The following EML4 variants were observed in gnomAD, a reference collection of about 807,000 sequenced individuals.
EML4 encodes EMAP like 4.
A neutral mutation model predicts 129.0 loss-of-function variants in EML4; 72 were observed. That is an observed-to-expected ratio of 0.56 (90% CI 0.46 to 0.68). EML4 has a LOEUF of 0.68. Ranked by LOEUF, EML4 falls within the 30% of genes least tolerant of loss-of-function variation. The pLI, the probability that EML4 is intolerant of heterozygous loss-of-function variation, is 0.00. For missense variants in EML4, 1,363 were observed against 1,190.6 expected, an observed-to-expected ratio of 1.14 and a Z score of -2.13; for synonymous variants, 532 against 405.0, an observed-to-expected ratio of 1.31 and a Z score of -3.77.
rs963303126 is a variant in EML4 at position 42,331,114 on chromosome 2, G to C, written c.*907G>C. 8.3e-5 allele frequency: 18 copies of C among 217,536 alleles called. No individual in the cohort carries two copies. The highest frequency in any genetic ancestry group is 8.1e-4 in the Admixed American group (14 of 17,214). The allele number at this position is 217,536 out of a possible 1,614,324, so 13.5% of individuals were successfully genotyped here. A position where few individuals can be genotyped will look rare whatever the true frequency, so the allele number is the denominator to read the frequency against. ...GCCTTCATCATAATTTGTTCCCTCA[G>C]TAATAGGAGAAATATAAATACAGTA... is the stretch of plus-strand genomic sequence containing the variant. On this transcript the variant is annotated 3_prime_UTR_variant, in exon 23 of 23. Coordinates refer to ENST00000318522, the MANE Select transcript of EML4 (RefSeq NM_019063.5).
At chr2:42,184,588 T>A (rs1027858120) in intron 1 of EML4, among the ~76,000 whole-genome samples, 3 of 152,164 alleles carry the variant, frequency 2.0e-5, no homozygotes, top group Non-Finnish European at 4.4e-5. Context: ...CTTTTCTTGC[T>A]TAGTTTTTTG....
intron 4 of EML4, among the ~76,000 whole-genome samples, chr2:42,262,451 G>T (rs17389310): frequency 6.6e-6 from 1 of 151,966 alleles, no homozygotes; most frequent in Non-Finnish European, 1.5e-5. Context: ...GATTTCACTT[G>T]ATATCTTCTT....
At chr2:42,309,082 G>T (rs4410332) in intron 17 of EML4, among the ~76,000 whole-genome samples, 1 of 152,036 alleles carries the variant, frequency 6.6e-6, no homozygotes, top group South Asian at 2.1e-4. Flanking sequence ...GGATATAAAA[G>T]AGTAGAATTG....
rs548014806 is a variant in EML4 at position 42,328,852 on chromosome 2, A to G, written c.2342-34A>G. The G allele has an allele frequency of 3.2e-6, 5 of 1,552,638 alleles. No homozygotes were observed. In the Admixed American group the frequency reaches 5.9e-5, roughly 18 times the overall value. Reference sequence around the variant, plus strand: ...GCATCACAGTTATATTTCTTCAGCTAATTTTTCTGCATCCCTGTGTTTCCA... The same window carrying G: ...GCATCACAGTTATATTTCTTCAGCTGATTTTTCTGCATCCCTGTGTTTCCA... On this transcript the variant is annotated intron_variant, in intron 21 of 22. Coordinates refer to ENST00000318522, the MANE Select transcript of EML4 (RefSeq NM_019063.5).
At chr2:42,222,190 A>T (rs981020921) in intron 1 of EML4, among the ~76,000 whole-genome samples, 4 of 152,118 alleles carry the variant, frequency 2.6e-5, no homozygotes, top group Admixed American at 6.5e-5. Flanking sequence ...GATAGTTTTT[A>T]AAATTATTTT....
intron 6 of EML4, among the ~76,000 whole-genome samples, chr2:42,269,798 G>A (rs570022661): frequency 1.1e-4 from 16 of 152,228 alleles, no homozygotes; most frequent in African/African-American, 3.9e-4. Flanking sequence ...ATACAATTTT[G>A]TATTATTTAG....
At chr2:42,181,570 A>G (rs1670944739) in intron 1 of EML4, among the ~76,000 whole-genome samples, 1 of 152,166 alleles carries the variant, frequency 6.6e-6, no homozygotes, top group Admixed American at 6.5e-5. Flanking sequence ...TGCTGGGATT[A>G]CAGGTGTGAG....
intron 1 of EML4, among the ~76,000 whole-genome samples, chr2:42,178,614 G>GAA (rs1670755308): frequency 6.6e-6 from 1 of 152,154 alleles, no homozygotes; most frequent in Non-Finnish European, 1.5e-5. Flanking sequence ...TGCCTGTCAC[G>GAA]TGAGAGATCC....
intron 1 of EML4, among the ~76,000 whole-genome samples, chr2:42,233,377 C>T (rs1470840614): frequency 6.6e-6 from 1 of 151,352 alleles, no homozygotes; most frequent in East Asian, 1.9e-4. Context: ...GCGATCTCAG[C>T]TCCCTGCAAG....
At chr2:42,323,827 C>A (rs929096364) in intron 19 of EML4, among the ~76,000 whole-genome samples, 1 of 150,730 alleles carries the variant, frequency 6.6e-6, no homozygotes, top group Non-Finnish European at 1.5e-5. Context: ...ACCTGTAGTC[C>A]CAGCTACTTG....
At position 42,332,488 on chromosome 2, in the gene EML4, C is replaced by G; in HGVS notation, c.*2281C>G. 5.2e-6 allele frequency: 1 copy of G among 191,334 alleles called. No individual in the cohort carries two copies. 11.9% of individuals were successfully genotyped at this position (191,334 alleles called of 1,614,324 possible). Reference sequence around the variant, plus strand: ...AGCCATTGCTATCATGCATTCCTGTCTCATGGCAGAAAATTTTGAAGATTA... The same window carrying G: ...AGCCATTGCTATCATGCATTCCTGTGTCATGGCAGAAAATTTTGAAGATTA... On this transcript the variant is annotated 3_prime_UTR_variant, in exon 23 of 23. Transcript: ENST00000318522.
At chr2:42,188,944 A>G (rs1218705610) in intron 1 of EML4, among the ~76,000 whole-genome samples, 1 of 152,184 alleles carries the variant, frequency 6.6e-6, no homozygotes, top group East Asian at 1.9e-4. Flanking sequence ...ATTCCCAGGT[A>G]AAAATAGACA....
At chr2:42,185,296 C>G (rs969253552) in intron 1 of EML4, among the ~76,000 whole-genome samples, 37 of 152,184 alleles carry the variant, frequency 2.4e-4, no homozygotes, top group African/African-American at 8.4e-4. Context: ...ATATGAAATT[C>G]AGATTTCAAT....
intron 1 of EML4, among the ~76,000 whole-genome samples, chr2:42,176,594 C>T (rs527408646): frequency 1.3e-5 from 2 of 152,276 alleles, no homozygotes; most frequent in African/African-American, 4.8e-5. Flanking sequence ...CAAGGCTCAA[C>T]TCAAATATTA....
Position 42,330,356 on chromosome 2 carries a change from G to A in EML4, c.*149G>A. The A allele has an allele frequency of 1.3e-6, 1 of 760,564 alleles. No individual in the cohort carries two copies. Among genetic ancestry groups the A allele is most frequent in the South Asian group, 1.5e-5 (1 of 67,766 alleles). The allele number at this position is 760,564 out of a possible 1,614,324, so 47.1% of individuals were successfully genotyped here. On this transcript the variant is annotated 3_prime_UTR_variant, in exon 23 of 23. Transcript: ENST00000318522. ...GTTTTCTTCAATAGTCTTATTTTCA[G>A]TCTCTCAAATACAGCCAACTTAAAG...
chr2:42,239,026 C>A (rs893885272), intron 1 of EML4, among the ~76,000 whole-genome samples: 3 of 152,142 alleles, frequency 2.0e-5, no homozygotes, highest in Non-Finnish European at 4.4e-5. Context: ...GCCTCAACGT[C>A]TCAAAAGTGC....
At chr2:42,202,416 T>C (rs1041754487) in intron 1 of EML4, among the ~76,000 whole-genome samples, 3 of 152,064 alleles carry the variant, frequency 2.0e-5, no homozygotes, top group Admixed American at 1.3e-4. Context: ...ACTAGCCTGG[T>C]GTATTAGTCA....
rs145861058 is a variant in EML4, at chr2:42,310,277, C to T, written c.1968-5685C>T. Among the ~76,000 whole-genome samples the T allele has an allele frequency of 7.6e-4, 116 of 151,858 alleles. No homozygotes were observed. The Middle Eastern group carries it at 0.014, about 18-fold the overall frequency. On this transcript the variant is annotated intron_variant, in intron 17 of 22. Coordinates refer to ENST00000318522, the MANE Select transcript of EML4 (RefSeq NM_019063.5). The stretch of plus-strand genomic sequence containing the variant: ...TAATGGATCTTTCTTCCTTTCTCCC[C>T]TTCCCCTTTCCCTTCCCATTCCCCT...
intron 2 of EML4, among the ~76,000 whole-genome samples, chr2:42,249,425 C>G (rs1358562587): frequency 6.6e-6 from 1 of 151,884 alleles, no homozygotes; most frequent in Non-Finnish European, 1.5e-5. Context: ...AAATTAAATT[C>G]CTGTGGATAA....
Sources: gnomAD v4.1 joint callset for allele counts (sites outside exome capture counted in the v4.1 genomes callset) on GRCh38, gnomAD v4.1.1 for gene constraint, MANE v1.5 for transcripts, NCBI Gene and HGNC (gene_info 2026-07-23, HGNC 2026-07-21) for gene names.